The following LYPLA2 variants were observed in gnomAD, a reference collection of about 807,000 sequenced individuals.
LYPLA2 encodes the protein lysophospholipase 2, also known as acyl-protein thioesterase 2.
A neutral mutation model predicts 30.3 loss-of-function variants in LYPLA2; 7 were observed. The ratio of observed to expected loss-of-function variants is 0.23; its 90% CI spans 0.13 to 0.43. The LOEUF (loss-of-function observed/expected upper bound fraction) is 0.43, where lower values mean the gene tolerates loss of function less well. Among genes scored for constraint, LYPLA2 ranks in the 20% least tolerant of loss-of-function variants. The pLI, the probability that LYPLA2 is intolerant of heterozygous loss-of-function variation, is 1.00. For synonymous variants in LYPLA2, 112 were observed against 118.2 expected, an observed-to-expected ratio of 0.95 and a Z score of 0.34; for missense variants, 206 against 307.9, an observed-to-expected ratio of 0.67 and a Z score of 2.48.
At chr1:23,791,781 C>T (rs1347419852) in intron 1 of LYPLA2, among the ~76,000 whole-genome samples, 4 of 151,426 alleles carry the variant, frequency 2.6e-5, no homozygotes, top group African/African-American at 4.9e-5. Flanking sequence ...AGAGGAACCC[C>T]GGGTCACAGG....
intron 2 of LYPLA2, 30 bp downstream of exon 2, chr1:23,792,790 C>A: frequency 6.4e-7 from 1 of 1,573,720 alleles, no homozygotes; most frequent in African/African-American, 1.3e-5. Flanking sequence ...CACGGCCAGA[C>A]ACTGTGGGAG....
Position 23,793,674 on chromosome 1 carries a change from C to T in LYPLA2, c.177-31C>T. 1 of 1,611,642 alleles carries T rather than the reference C, an allele frequency of 6.2e-7. No individual in the cohort carries two copies. The highest frequency in any genetic ancestry group is 8.5e-7 in the Non-Finnish European group (1 of 1,177,734). On this transcript the variant is annotated intron_variant, in intron 4 of 9. Transcript: ENST00000374514. This position sits in a 1 kb window ranked among gnomAD's most constrained non-coding sequence, Gnocchi z 6.0. ...CTCTGGCCTCCTCATTCCTCCTGAG[C>T]ATGATGGGCCCTCTGGCTCTCTTTC...
Position 23,794,172 on chromosome 1 carries a change from G to A in LYPLA2, c.369+36G>A. On this transcript the variant is annotated intron_variant, in intron 7 of 9. Coordinates refer to ENST00000374514, the MANE Select transcript of LYPLA2 (RefSeq NM_007260.3). The surrounding 1 kb of genome is among the most constrained non-coding windows in gnomAD (Gnocchi z 5.9). ...AGGGGTGGGGGGGTAGGGGGTAGGG[G>A]TGGCCGGTGAGTGAGCTGTGCCCTC... is the stretch of plus-strand genomic sequence containing the variant. The A allele has an allele frequency of 1.4e-6, 2 of 1,466,088 alleles. No individual in the cohort carries two copies. Among genetic ancestry groups the A allele is most frequent in the East Asian group, 2.3e-5 (1 of 42,784 alleles). 90.8% of individuals were successfully genotyped at this position (1,466,088 alleles called of 1,614,324 possible).
intron 1 of LYPLA2, among the ~76,000 whole-genome samples, chr1:23,791,465 A>G (rs1479606446): frequency 2.0e-5 from 3 of 152,078 alleles, no homozygotes; most frequent in Non-Finnish European, 4.4e-5. Context: ...CGGAAATAGA[A>G]GAGCCCATTG....
At position 23,793,348 on chromosome 1, in the gene LYPLA2, T is replaced by C; in HGVS notation, c.176+132T>C. ...CTCAGGGCAGTCAGAAGTGGCATTTTCAGCCTGAGCTCCTGTGGAGCCCCC... is the reference window on the plus strand; with the variant it reads ...CTCAGGGCAGTCAGAAGTGGCATTTCCAGCCTGAGCTCCTGTGGAGCCCCC... On this transcript the variant is annotated intron_variant, in intron 4 of 9. Transcript: ENST00000374514. The surrounding 1 kb of genome is among the most constrained non-coding windows in gnomAD (Gnocchi z 6.0). The C allele has an allele frequency of 1.1e-6, 1 of 947,490 alleles. No individual in the cohort carries two copies. The highest frequency in any genetic ancestry group is 1.6e-6 in the Non-Finnish European group (1 of 614,006). The allele number at this position is 947,490 out of a possible 1,614,324, so 58.7% of individuals were successfully genotyped here.
rs1638856018 is a variant in LYPLA2 at position 23,793,868 on chromosome 1, T to G, written c.233T>G (p.Leu78Arg). 6.2e-7 allele frequency: 1 copy of G among 1,613,802 alleles called. No homozygotes were observed. Residue 78 changes from leucine to arginine, a missense_variant, in exon 6 of 10, where the codon CTG (leucine) becomes CGG (arginine). Transcript: ENST00000374514. This position sits in a 1 kb window ranked among gnomAD's most constrained non-coding sequence, Gnocchi z 6.0. ...MKMVMPSWFD[L>R]MGLSPDAPED... ...GTGCCTCTACTCCCAAGGTTTGACCTGATGGGGCTGAGTCCAGATGCCCCA... is the reference window on the plus strand; with the variant it reads ...GTGCCTCTACTCCCAAGGTTTGACCGGATGGGGCTGAGTCCAGATGCCCCA...
chr1:23,793,011 A>T lies in LYPLA2; in HGVS notation c.82A>T (p.Ile28Phe). 1 of 1,612,652 alleles carries T rather than the reference A, an allele frequency of 6.2e-7. No homozygotes were observed. Among genetic ancestry groups the T allele is most frequent in the Non-Finnish European group, 8.5e-7 (1 of 1,179,212 alleles). ...CCCATTTCCCATCCTTTTCCAGGTT[A>T]TTTTTTTACATGGACTTGGAGACAC... ...SGAERETAAV[I>F]FLHGLGDTGH... is the part of the protein sequence containing the mutation. Residue 28 changes from isoleucine to phenylalanine, a missense_variant, in exon 3 of 10, where the codon ATT (isoleucine) becomes TTT (phenylalanine). Coordinates refer to ENST00000374514, the MANE Select transcript of LYPLA2 (RefSeq NM_007260.3). This position sits in a 1 kb window ranked among gnomAD's most constrained non-coding sequence, Gnocchi z 6.0.
In LYPLA2 at chr1:23,792,757, C is replaced by T. The variant is rs201385725; in HGVS notation, c.75C>T (p.Ala25=). 8.0e-5 allele frequency: 129 copies of T among 1,612,236 alleles called. 1 individual carries two copies. Among genetic ancestry groups the T allele is most frequent in the Admixed American group, 7.7e-4 (46 of 60,002 alleles). ...TGTCTGGAGCTGAGCGGGAAACGGC[C>T]GCGGTAAGGGTCCCCTTTCACCCAC... ...ATVSGAERET[A]AVIFLHGLGD... The change falls in exon 2 of 10, where the codon GCC becomes GCT. Residue 25 remains alanine, a synonymous_variant. Transcript: ENST00000374514.
Position 23,792,652 on chromosome 1 carries a change from T to C in LYPLA2, c.-26-5T>C. On this transcript the variant is annotated splice_polypyrimidine_tract_variant and splice_region_variant and intron_variant, in intron 1 of 9. Coordinates refer to ENST00000374514, the MANE Select transcript of LYPLA2 (RefSeq NM_007260.3). Reference sequence around the variant, plus strand: ...TGCTCTTGACCGCCGCCCCGATGTATGCAGGCCCCCGCCGTGGAGCCGTGT... The same window carrying C: ...TGCTCTTGACCGCCGCCCCGATGTACGCAGGCCCCCGCCGTGGAGCCGTGT... 1 of 1,606,252 alleles carries C rather than the reference T, an allele frequency of 6.2e-7. No individual in the cohort carries two copies. The highest frequency in any genetic ancestry group is 1.1e-5 in the South Asian group (1 of 90,880).
Position 23,793,317 on chromosome 1 carries a change from C to G in LYPLA2, c.176+101C>G. 1 of 1,285,696 alleles carries G rather than the reference C, an allele frequency of 7.8e-7. No homozygotes were observed. The highest frequency in any genetic ancestry group is 1.2e-5 in the South Asian group (1 of 81,908). The allele number at this position is 1,285,696 out of a possible 1,614,324, so 79.6% of individuals were successfully genotyped here. A position where few individuals can be genotyped will look rare whatever the true frequency, so the allele number is the denominator to read the frequency against. On this transcript the variant is annotated intron_variant, in intron 4 of 9. Transcript: ENST00000374514. This position sits in a 1 kb window ranked among gnomAD's most constrained non-coding sequence, Gnocchi z 6.0. Reference sequence around the variant, plus strand: ...CTCTCCTGTCAGTTGCATCCTGGGGCTTGGGCTCAGGGCAGTCAGAAGTGG... The same window carrying G: ...CTCTCCTGTCAGTTGCATCCTGGGGGTTGGGCTCAGGGCAGTCAGAAGTGG...
rs756892198 is a variant in LYPLA2, at chr1:23,794,689, C to T, written c.653C>T (p.Ala218Val). 3 of 1,614,202 alleles carry T rather than the reference C, an allele frequency of 1.9e-6. No homozygotes were observed. Among genetic ancestry groups the T allele is most frequent in the Admixed American group, 1.7e-5 (1 of 60,022 alleles). The change falls in exon 10 of 10, where the codon GCA becomes GTA. Residue 218 changes from alanine to valine, a missense_variant. Transcript: ENST00000374514. The surrounding 1 kb of genome is among the most constrained non-coding windows in gnomAD (Gnocchi z 5.9). ...CCCTCTTAATCCCCTCAGGAGATGG[C>T]AGCTGTGAAGGAATTTCTTGAGAAG... The part of the protein sequence containing the change: ...VMHSSCPQEM[A>V]AVKEFLEKLL...
In LYPLA2 at chr1:23,793,233, C is replaced by T. The variant is rs1329377929; in HGVS notation, c.176+17C>T. 6.2e-7 allele frequency: 1 copy of T among 1,612,132 alleles called. No individual in the cohort carries two copies. The highest frequency in any genetic ancestry group is 1.1e-5 in the South Asian group (1 of 91,026). On this transcript the variant is annotated intron_variant, in intron 4 of 9. Transcript: ENST00000374514. This position sits in a 1 kb window ranked among gnomAD's most constrained non-coding sequence, Gnocchi z 6.0. ...TCCCCATGCGTGAGTGTCACCCCAG[C>T]AAGGGAGGGGCTGAGGCTGGGGATC... is the stretch of plus-strand genomic sequence containing the variant.
Position 23,793,789 on chromosome 1 carries a change from A to G in LYPLA2, c.224+37A>G. ...AGTGGGGGTGGGCAGGGGGACGAGG[A>G]CACTTGGGCTGAGGGAGCCACAGGG... On this transcript the variant is annotated intron_variant, in intron 5 of 9. Transcript: ENST00000374514. This position sits in a 1 kb window ranked among gnomAD's most constrained non-coding sequence, Gnocchi z 6.0. The G allele has an allele frequency of 1.2e-6, 2 of 1,613,262 alleles. No individual in the cohort carries two copies. Among genetic ancestry groups the G allele is most frequent in the South Asian group, 2.2e-5 (2 of 91,066 alleles).
At position 23,793,517 on chromosome 1, in the gene LYPLA2, C is replaced by T. The variant is rs1638842439; in HGVS notation, c.177-188C>T. ...ACACCAAGCGCTGGGCTCTGCTTCT[C>T]CATTACTGGCGCTTTGCCCCAACCA... On this transcript the variant is annotated intron_variant, in intron 4 of 9. Coordinates refer to ENST00000374514, the MANE Select transcript of LYPLA2 (RefSeq NM_007260.3). This position sits in a 1 kb window ranked among gnomAD's most constrained non-coding sequence, Gnocchi z 6.0. The T allele has an allele frequency of 2.9e-6, 2 of 685,776 alleles. No individual in the cohort carries two copies. The highest frequency in any genetic ancestry group is 5.2e-6 in the Non-Finnish European group (2 of 387,654). The allele number at this position is 685,776 out of a possible 1,614,324, so 42.5% of individuals were successfully genotyped here.
In LYPLA2 at chr1:23,794,110, C is replaced by G; in HGVS notation, c.343C>G (p.Arg115Gly). 6.2e-7 allele frequency: 1 copy of G among 1,608,366 alleles called. No individual in the cohort carries two copies. Among genetic ancestry groups the G allele is most frequent in the Non-Finnish European group, 8.5e-7 (1 of 1,178,786 alleles). Residue 115 changes from arginine (R) to glycine (G), a missense_variant, in exon 7 of 10, where the codon CGA becomes GGA. Transcript: ENST00000374514. The surrounding 1 kb of genome is among the most constrained non-coding windows in gnomAD (Gnocchi z 5.9). ...HEMKNGIPAN[R>G]IVLGGFSQGG... ...AATGAAGAACGGGATCCCTGCCAAT[C>G]GAATCGTCCTGGGAGGCTTTTCACA... is the stretch of plus-strand genomic sequence containing the variant.
At chr1:23,792,443 C>A (rs1301510540) in intron 1 of LYPLA2, 1 of 552,036 alleles carries the variant, frequency 1.8e-6, no homozygotes, top group Non-Finnish European at 3.2e-6. Context: ...ACCAGAGACA[C>A]ATGTTCTGGG....
rs765765066 is a variant in LYPLA2 at position 23,793,908 on chromosome 1, C to T, written c.273C>T (p.Gly91=). ...CAGATGCCCCAGAGGACGAGGCTGGCATCAAGAAGGCAGCAGAGAACAGTA... is the reference window on the plus strand; with the variant it reads ...CAGATGCCCCAGAGGACGAGGCTGGTATCAAGAAGGCAGCAGAGAACAGTA... The part of the protein sequence containing the change: ...LSPDAPEDEA[G]IKKAAENIKA... Residue 91 remains glycine, a synonymous_variant, in exon 6 of 10, where the codon GGC becomes GGT. Coordinates refer to ENST00000374514, the MANE Select transcript of LYPLA2 (RefSeq NM_007260.3). The surrounding 1 kb of genome is among the most constrained non-coding windows in gnomAD (Gnocchi z 6.0). 6.2e-7 allele frequency: 1 copy of T among 1,613,968 alleles called. No individual in the cohort carries two copies. The highest frequency in any genetic ancestry group is 1.1e-5 in the South Asian group (1 of 91,086).
rs1269719202 is a variant in LYPLA2 at position 23,795,255 on chromosome 1, A to C, written c.*523A>C. The C allele has an allele frequency of 3.8e-6, 1 of 262,102 alleles. No individual in the cohort carries two copies. The highest frequency in any genetic ancestry group is 7.7e-6 in the Non-Finnish European group (1 of 130,700). 16.2% of individuals were successfully genotyped at this position (262,102 alleles called of 1,614,324 possible). Reference sequence around the variant, plus strand: ...CTGTCCCTGGGCAGGAGTGCTGGTGAGGAGGTGGAGCCTTTTGAGGGGGGC... The same window carrying C: ...CTGTCCCTGGGCAGGAGTGCTGGTGCGGAGGTGGAGCCTTTTGAGGGGGGC... On this transcript the variant is annotated 3_prime_UTR_variant, in exon 10 of 10. Transcript: ENST00000374514.
In LYPLA2 at chr1:23,792,766, G is replaced by A. The variant is rs746905454; in HGVS notation, c.78+6G>A. On this transcript the variant is annotated splice_donor_region_variant and intron_variant, in intron 2 of 9. Coordinates refer to ENST00000374514, the MANE Select transcript of LYPLA2 (RefSeq NM_007260.3). ...CTGAGCGGGAAACGGCCGCGGTAAG[G>A]GTCCCCTTTCACCCACGGCCAGACA... 1.2e-6 allele frequency: 2 copies of A among 1,611,646 alleles called. No individual in the cohort carries two copies. The highest frequency in any genetic ancestry group is 1.3e-5 in the African/African-American group (1 of 74,850).
Sources: gnomAD v4.1 joint callset for allele counts (sites outside exome capture counted in the v4.1 genomes callset) on GRCh38, gnomAD v4.1.1 for gene constraint, Gnocchi (gnomAD v3.1) non-coding constraint, MANE v1.5 for transcripts, NCBI Gene and HGNC (gene_info 2026-07-23, HGNC 2026-07-21) for gene names.